The following MAP1B variants were observed in gnomAD, a reference collection of about 807,000 sequenced individuals.
MAP1B encodes microtubule associated protein 1B.
MAP1B carries 12 observed loss-of-function variants against 176.1 expected under a neutral mutation model. The ratio of observed to expected loss-of-function variants is 0.07; its 90% CI spans 0.04 to 0.11. The LOEUF is 0.11. MAP1B is among the 10% of genes least tolerant of loss of function. The pLI is 1.00. For missense variants in MAP1B, 2,523 were observed against 2,990.5 expected (o/e 0.84, Z 3.65); for synonymous variants, 1,044 against 1,135.0 (o/e 0.92, Z 1.61).
intron 1 of MAP1B, among the ~76,000 whole-genome samples, chr5:72,111,684 A>G (rs1469596779): frequency 6.6e-6 from 1 of 152,208 alleles, no homozygotes; most frequent in Non-Finnish European, 1.5e-5. Flanking sequence ...GGTATTATCT[A>G]CGACAGCTCT....
At chr5:72,156,181 C>A (rs537487296) in intron 2 of MAP1B, among the ~76,000 whole-genome samples, 1 of 152,154 alleles carries the variant, frequency 6.6e-6, no homozygotes, top group African/African-American at 2.4e-5. Context: ...GCACCCACCA[C>A]CACACTTGCT....
rs752752910 is a variant in MAP1B at position 72,195,734 on chromosome 5, G to A, written c.2379G>A (p.Glu793=). The change falls in exon 5 of 7, where the codon GAG becomes GAA. Residue 793 remains glutamate, a synonymous_variant. Coordinates refer to ENST00000296755, the MANE Select transcript of MAP1B (RefSeq NM_005909.5). Reference sequence around the variant, plus strand: ...TTAAGAAGGAAGGCAAGGCCGCAGAGGCTGTCGCTGCAGCTGTCGGCACTG... The same window carrying A: ...TTAAGAAGGAAGGCAAGGCCGCAGAAGCTGTCGCTGCAGCTGTCGGCACTG... ...KVIKKEGKAA[E]AVAAAVGTGA... 1.2e-6 allele frequency: 2 copies of A among 1,614,244 alleles called. No individual in the cohort carries two copies. The highest frequency in any genetic ancestry group is 1.1e-5 in the South Asian group (1 of 91,078).
chr5:72,200,071 T>G lies in MAP1B; in HGVS notation c.6716T>G (p.Leu2239Arg). 6.2e-7 allele frequency: 1 copy of G among 1,614,152 alleles called. No individual in the cohort carries two copies. The highest frequency in any genetic ancestry group is 8.5e-7 in the Non-Finnish European group (1 of 1,180,024). ...QNLGKALKKD[L>R]KEKTKTKKPG... ...CTGGGCAAAGCTCTAAAGAAAGATC[T>G]GAAAGAGAAGACCAAAACCAAAAAG... Residue 2239 changes from leucine to arginine, a missense_variant, in exon 5 of 7, where the codon CTG (leucine) becomes CGG (arginine). Leu to Arg is a moderately radical substitution (Grantham distance 102). Coordinates refer to ENST00000296755, the MANE Select transcript of MAP1B (RefSeq NM_005909.5).
chr5:72,118,827 C>T (rs957242739), intron 2 of MAP1B, among the ~76,000 whole-genome samples: 26 of 152,284 alleles, frequency 1.7e-4, no homozygotes, highest in East Asian at 1.4e-3. Context: ...AATTAAGGCT[C>T]AAGTCACCCA....
intron 2 of MAP1B, among the ~76,000 whole-genome samples, chr5:72,166,455 G>A (rs1436147210): frequency 6.6e-6 from 1 of 152,164 alleles, no homozygotes; most frequent in Non-Finnish European, 1.5e-5. Context: ...AATATTCCGT[G>A]TAGTCTAGTT....
At chr5:72,183,161 T>G (rs539647107) in intron 2 of MAP1B, among the ~76,000 whole-genome samples, 1 of 152,362 alleles carries the variant, frequency 6.6e-6, no homozygotes, top group East Asian at 1.9e-4. Context: ...GGGAGGGTTG[T>G]TCTCCACTTT....
intron 2 of MAP1B, among the ~76,000 whole-genome samples, chr5:72,154,542 C>T (rs767875375): frequency 3.3e-5 from 5 of 152,204 alleles, no homozygotes; most frequent in South Asian, 2.1e-4. Context: ...TATCATTCAG[C>T]GGTCCCCGGC....
At chr5:72,159,791 A>G (rs2337692) in intron 2 of MAP1B, among the ~76,000 whole-genome samples, 97,332 of 152,120 alleles carry the variant, frequency 0.64, 32,670 homozygotes, top group South Asian at 0.85. Context: ...CCAAGTTCAC[A>G]TTTGAGTCTG....
At chr5:72,167,395 C>T (rs1746452059) in intron 2 of MAP1B, among the ~76,000 whole-genome samples, 1 of 152,160 alleles carries the variant, frequency 6.6e-6, no homozygotes, top group Admixed American at 6.5e-5. Context: ...ATTAATAAGA[C>T]AGTATGAGCT....
rs766259500 is a variant in MAP1B, at chr5:72,195,111, G to A, written c.1756G>A (p.Val586Ile). The change falls in exon 5 of 7, where the codon GTA becomes ATA. Residue 586 changes from valine (V) to isoleucine (I), a missense_variant. By Grantham distance (29) the Val-to-Ile change is conservative. This residue lies in a region of MAP1B where 1,925 missense variants were observed against 2,126.0 expected (regional missense o/e 0.91). Coordinates refer to ENST00000296755, the MANE Select transcript of MAP1B (RefSeq NM_005909.5). ...KPPKVESKEK[V>I]MVKKDKPIKT... ...ACCCAAAGTTGAAAGCAAAGAAAAG[G>A]TAATGGTGAAAAAAGACAAGCCAAT... The A allele has an allele frequency of 2.5e-6, 4 of 1,613,528 alleles. No homozygotes were observed. The highest frequency in any genetic ancestry group is 3.4e-6 in the Non-Finnish European group (4 of 1,179,784).
Position 72,107,482 on chromosome 5 carries a change from A to C in MAP1B, c.-50A>C, listed in dbSNP as rs1476283212. On this transcript the variant is annotated 5_prime_UTR_variant, in exon 1 of 7. Transcript: ENST00000296755. ...ATAATCCTTTCTCCTGCCGCAGTGG[A>C]GAGGAGCGGCCGGAGCGAGACACTT... is the stretch of plus-strand genomic sequence containing the variant. The C allele has an allele frequency of 2.0e-6, 3 of 1,472,998 alleles. No homozygotes were observed. The highest frequency in any genetic ancestry group is 4.2e-5 in the Admixed American group (2 of 47,852). 91.2% of individuals were successfully genotyped at this position (1,472,998 alleles called of 1,614,324 possible). A position where few individuals can be genotyped will look rare whatever the true frequency, so the allele number is the denominator to read the frequency against.
intron 2 of MAP1B, among the ~76,000 whole-genome samples, chr5:72,129,631 T>C (rs1745693451): frequency 6.6e-6 from 1 of 152,092 alleles, no homozygotes; most frequent in South Asian, 2.1e-4. Context: ...TTCCTTCCGT[T>C]GTTTTCTCTT....
At chr5:72,107,822 C>G (rs1579971492) in intron 1 of MAP1B, 107 bp downstream of exon 1, 11 of 1,143,700 alleles carry the variant, frequency 9.6e-6, no homozygotes, top group Non-Finnish European at 1.1e-5. Flanking sequence ...CGCACCCATG[C>G]CTCTCCTCGT....
chr5:72,125,001 T>C (rs1745600693), intron 2 of MAP1B, among the ~76,000 whole-genome samples: 1 of 152,220 alleles, frequency 6.6e-6, no homozygotes, highest in African/African-American at 2.4e-5. Flanking sequence ...AGGCGAACAA[T>C]GCTTCCTTAG....
intron 2 of MAP1B, among the ~76,000 whole-genome samples, chr5:72,132,038 G>A (rs1028364054): frequency 6.6e-6 from 1 of 152,112 alleles, no homozygotes; most frequent in Non-Finnish European, 1.5e-5. Flanking sequence ...CTATTACTTG[G>A]AGGATATTAC....
At chr5:72,139,465 T>G (rs977758345) in intron 2 of MAP1B, among the ~76,000 whole-genome samples, 1 of 152,240 alleles carries the variant, frequency 6.6e-6, no homozygotes, top group Non-Finnish European at 1.5e-5. Flanking sequence ...GAGTTTGGCA[T>G]TCTGATGCAC....
chr5:72,140,252 A>C (rs531242024), intron 2 of MAP1B, among the ~76,000 whole-genome samples: 2 of 152,350 alleles, frequency 1.3e-5, no homozygotes, highest in Admixed American at 6.5e-5. Context: ...CAAGAGCCAC[A>C]GGACCTGTCC....
chr5:72,205,608 G>A lies in MAP1B; in HGVS notation c.*369G>A, dbSNP rs1329069798. On this transcript the variant is annotated 3_prime_UTR_variant, in exon 7 of 7. Coordinates refer to ENST00000296755, the MANE Select transcript of MAP1B (RefSeq NM_005909.5). The stretch of plus-strand genomic sequence containing the variant: ...GAGAGAGTGAGAGCACAAAGATAAC[G>A]CAGGAGAGAGAGAGAGAAAGAATGA... 1 of 167,068 alleles carries A rather than the reference G, an allele frequency of 6.0e-6. No homozygotes were observed. Among genetic ancestry groups the A allele is most frequent in the Admixed American group, 5.9e-5 (1 of 16,832 alleles). The allele number at this position is 167,068 out of a possible 1,614,324, so 10.3% of individuals were successfully genotyped here. A position where few individuals can be genotyped will look rare whatever the true frequency, so the allele number is the denominator to read the frequency against.
intron 2 of MAP1B, among the ~76,000 whole-genome samples, chr5:72,166,715 G>A (rs1349203930): frequency 6.6e-6 from 1 of 152,214 alleles, no homozygotes; most frequent in Non-Finnish European, 1.5e-5. Flanking sequence ...CCGAGGATGT[G>A]TAAAGGGAAA....
Sources: allele counts gnomAD v4.1 joint callset (sites outside exome capture counted in the v4.1 genomes callset), GRCh38; gene constraint gnomAD v4.1.1; regional missense constraint gnomAD v4.1.1; transcripts MANE v1.5; gene names NCBI Gene and HGNC (gene_info 2026-07-23, HGNC 2026-07-21).